The following ZNF503 variants were observed in gnomAD, a reference collection of about 807,000 sequenced individuals.
ZNF503 encodes the protein zinc finger protein 503.
A neutral mutation model predicts 34.4 loss-of-function variants in ZNF503; 15 were observed. The ratio of observed to expected loss-of-function variants is 0.44; its 90% CI spans 0.29 to 0.67. The LOEUF (loss-of-function observed/expected upper bound fraction) is 0.67. Among genes scored for constraint, ZNF503 ranks in the 30% least tolerant of loss-of-function variants. The pLI is 0.13. For missense variants in ZNF503, 1,007 were observed against 926.8 expected (o/e 1.09, Z -1.12); for synonymous variants, 580 against 456.8 (o/e 1.27, Z -3.44).
At chr10:75,361,283 G>A in the ZNF503 span, 1 of 152,136 alleles carries the variant, frequency 6.6e-6, no homozygotes, top group African/African-American at 2.4e-5. Context: ...TTAGCACAGG[G>A]TCTGATGTAA....
At chr10:75,328,566 G>A in the ZNF503 span, among the ~76,000 whole-genome samples, 2 of 151,888 alleles carry the variant, frequency 1.3e-5, no homozygotes, top group Non-Finnish European at 2.9e-5. Context: ...GTTCAGGATT[G>A]TTTTGGCTAT....
At chr10:75,395,265 A>G (rs980468888), downstream of ZNF503, among the ~76,000 whole-genome samples, 1 of 152,180 alleles carries the variant, frequency 6.6e-6, no homozygotes, top group Admixed American at 6.5e-5. The surrounding 1 kb of genome is among the most constrained non-coding windows in gnomAD (Gnocchi z 4.4). Flanking sequence ...ATAGAGAACG[A>G]GGAGGAAACA....
At chr10:75,377,093 A>G in the ZNF503 span, among the ~76,000 whole-genome samples, 3 of 152,204 alleles carry the variant, frequency 2.0e-5, no homozygotes, top group Non-Finnish European at 2.9e-5. Context: ...GACCTACTGA[A>G]TAAGAGACTC....
At chr10:75,345,468 C>G in the ZNF503 span, among the ~76,000 whole-genome samples, 2 of 151,686 alleles carry the variant, frequency 1.3e-5, no homozygotes, top group African/African-American at 2.4e-5. Context: ...AACCCTGTCT[C>G]TACTAAAAAT....
chr10:75,281,789 G>T, the ZNF503 span, among the ~76,000 whole-genome samples: 2 of 152,222 alleles, frequency 1.3e-5, no homozygotes, highest in African/African-American at 4.8e-5. Context: ...CTCACACATA[G>T]ATCCATAGAC....
At chr10:75,338,090 G>A in the ZNF503 span, among the ~76,000 whole-genome samples, 10 of 152,194 alleles carry the variant, frequency 6.6e-5, no homozygotes, top group African/African-American at 2.4e-4. Context: ...GAGATCAAAT[G>A]TTCCAGTGTT....
the ZNF503 span, among the ~76,000 whole-genome samples, chr10:75,323,399 T>C: frequency 6.6e-6 from 1 of 152,192 alleles, no homozygotes; most frequent in African/African-American, 2.4e-5. Flanking sequence ...TTAGTTCATA[T>C]TGTATGTGTA....
At chr10:75,396,174 G>C (rs1179539464), downstream of ZNF503, among the ~76,000 whole-genome samples, 3 of 152,216 alleles carry the variant, frequency 2.0e-5, no homozygotes, top group African/African-American at 7.2e-5. The surrounding 1 kb of genome is among the most constrained non-coding windows in gnomAD (Gnocchi z 4.4). Context: ...CCAAGAGGCC[G>C]GGGCGACAAG....
In ZNF503 at chr10:75,401,697, C is replaced by T. The variant is rs1843829641; in HGVS notation, c.-278G>A. ...CGCCTCGGGCTGCTCCCCTGCGCTGCGTTCTCGCGGCCCCGCGCCGGCGCT... is the reference window on the plus strand; with the variant it reads ...CGCCTCGGGCTGCTCCCCTGCGCTGTGTTCTCGCGGCCCCGCGCCGGCGCT... On this transcript the variant is annotated 5_prime_UTR_variant, in exon 1 of 2. Transcript: ENST00000372524. 1.2e-5 allele frequency: 5 copies of T among 427,312 alleles called. No homozygotes were observed. Among genetic ancestry groups the T allele is most frequent in the Non-Finnish European group, 1.2e-5 (3 of 242,468 alleles). 26.5% of individuals were successfully genotyped at this position (427,312 alleles called of 1,614,324 possible).
the ZNF503 span, among the ~76,000 whole-genome samples, chr10:75,340,638 G>C: frequency 6.6e-6 from 1 of 151,530 alleles, no homozygotes; most frequent in African/African-American, 2.4e-5. Context: ...CGCTCTTGTT[G>C]CCCAGGCTGG....
the ZNF503 span, among the ~76,000 whole-genome samples, chr10:75,367,656 T>C: frequency 5.9e-3 from 892 of 152,310 alleles, 7 homozygotes; most frequent in African/African-American, 0.02. Context: ...CCTTGGAAGT[T>C]TGTGCAGCGA....
the ZNF503 span, among the ~76,000 whole-genome samples, chr10:75,377,142 C>G: frequency 6.6e-6 from 1 of 152,198 alleles, no homozygotes; most frequent in East Asian, 1.9e-4. Context: ...CACAAGCCCT[C>G]AGGACGTTGT....
the ZNF503 span, among the ~76,000 whole-genome samples, chr10:75,349,622 C>A: frequency 6.6e-6 from 1 of 152,194 alleles, no homozygotes; most frequent in Non-Finnish European, 1.5e-5. Context: ...GGGATTAGGT[C>A]TGTCTGACTC....
chr10:75,380,547 G>T, the ZNF503 span, among the ~76,000 whole-genome samples: 4 of 152,284 alleles, frequency 2.6e-5, no homozygotes, highest in East Asian at 7.7e-4. Context: ...CCCCGAATGG[G>T]CCCTGTCTGG....
chr10:75,399,014 G>A lies in ZNF503; in HGVS notation c.1676C>T (p.Ser559Leu). The change falls in exon 2 of 2, where the codon TCG (serine) becomes TTG (leucine). Residue 559 changes from serine (S) to leucine (L), a missense_variant. By Grantham distance (145) the Ser-to-Leu change is moderately radical (BLOSUM62 -2). Transcript: ENST00000372524. ...GGCCGCGGCAGCGCTGGCCAGAGAC[G>A]ACGAGCTGGGGTAGCCCGACAGCAG... ...DKLLSGYPSS[S>L]SLASAAAAAM... is the part of the protein sequence containing the mutation. 8 of 1,609,574 alleles carry A rather than the reference G, an allele frequency of 5.0e-6. No homozygotes were observed. The highest frequency in any genetic ancestry group is 1.1e-5 in the South Asian group (1 of 91,036).
the ZNF503 span, among the ~76,000 whole-genome samples, chr10:75,385,209 G>A: frequency 1.3e-5 from 2 of 152,134 alleles, no homozygotes; most frequent in Non-Finnish European, 2.9e-5. Flanking sequence ...GCTGGAGAAA[G>A]GCCAATCAGG....
chr10:75,332,415 CCTAT>C, the ZNF503 span, among the ~76,000 whole-genome samples: 75 of 151,498 alleles, frequency 5.0e-4, 1 homozygote, highest in East Asian at 2.5e-3. Context: ...TGCTGTTAAG[CCTAT>C]CTATCTATTT....
chr10:75,377,243 G>A, the ZNF503 span, among the ~76,000 whole-genome samples: 2 of 152,176 alleles, frequency 1.3e-5, no homozygotes, highest in African/African-American at 4.8e-5. Flanking sequence ...GGCCTTTCAG[G>A]CGCCCAGTGA....
the ZNF503 span, among the ~76,000 whole-genome samples, chr10:75,369,279 G>T: frequency 6.6e-6 from 1 of 152,134 alleles, no homozygotes; most frequent in Admixed American, 6.6e-5. Context: ...ATTGTTTTTT[G>T]ATATGGTTTG....
Sources: allele counts gnomAD v4.1 joint callset (sites outside exome capture counted in the v4.1 genomes callset), GRCh38; gene constraint gnomAD v4.1.1; non-coding constraint Gnocchi (gnomAD v3.1); transcripts MANE v1.5; gene names NCBI Gene and HGNC (gene_info 2026-07-23, HGNC 2026-07-21).